The following WDR97 variants were observed in gnomAD, a reference collection of about 807,000 sequenced individuals.
The protein encoded by WDR97 is WD repeat-containing protein 97.
In WDR97, 111 loss-of-function variants were observed where a neutral mutation model predicts 65.4. The observed-to-expected ratio is 1.70, with a 90% CI of 1.45 to 1.99. WDR97 has a LOEUF of 1.99. Ranked by LOEUF, WDR97 falls within the 30% of genes most tolerant of loss-of-function variation. The pLI, the probability that WDR97 is intolerant of heterozygous loss-of-function variation, is 0.00. For synonymous variants in WDR97, 802 were observed against 397.7 expected (o/e 2.02, Z -12.10); for missense variants, 1,674 against 865.0 (o/e 1.94, Z -11.73).
rs1368851847 is a variant in WDR97, at chr8:144,113,786, G to A, written c.3313G>A (p.Glu1105Lys). ...EEGEEDKKEE[E>K]EEKEDEELDW... is the part of the protein sequence containing the mutation. ...GGGGGAGGAAGACAAGAAGGAAGAG[G>A]AGGAGGAGAAGGAAGACGAGGAGCT... Residue 1105 changes from glutamate to lysine, a missense_variant, in exon 17 of 24, where the codon GAG (glutamate) becomes AAG (lysine). Glu to Lys is a moderately conservative substitution (Grantham distance 56). Transcript: ENST00000323662. The A allele has an allele frequency of 2.6e-5, 18 of 702,794 alleles. No homozygotes were observed. The highest frequency in any genetic ancestry group is 3.9e-5 in the Non-Finnish European group (15 of 384,896). The allele number at this position is 702,794 out of a possible 1,614,324, so 43.5% of individuals were successfully genotyped here. A position where few individuals can be genotyped will look rare whatever the true frequency, so the allele number is the denominator to read the frequency against.
intron 15 of WDR97, 127 bp downstream of exon 15, chr8:144,112,657 A>G: frequency 1.5e-6 from 1 of 658,778 alleles, no homozygotes. Flanking sequence ...ACCTACAACC[A>G]GAGGGCCAGG....
chr8:144,113,296 G>T (rs1836584317), intron 15 of WDR97, 144 bp from the exon 16 acceptor site: 4 of 658,682 alleles, frequency 6.1e-6, no homozygotes, highest in Non-Finnish European at 1.1e-5. Context: ...AGTAGGGGTT[G>T]CTAGCTCAGC....
chr8:144,113,826 C>G lies in WDR97; in HGVS notation c.3353C>G (p.Ala1118Gly). 1 of 701,734 alleles carries G rather than the reference C, an allele frequency of 1.4e-6. No individual in the cohort carries two copies. Among genetic ancestry groups the G allele is most frequent in the Non-Finnish European group, 2.6e-6 (1 of 384,254 alleles). The allele number at this position is 701,734 out of a possible 1,614,324, so 43.5% of individuals were successfully genotyped here. Residue 1118 changes from alanine to glycine, a missense_variant, in exon 17 of 24, where the codon GCT becomes GGT. Ala to Gly is a moderately conservative substitution (Grantham distance 60, BLOSUM62 0). Coordinates refer to ENST00000323662, the MANE Select transcript of WDR97 (RefSeq NM_001316309.2). ...GACGAGGAGCTGGACTGGGCCTTGGCTTCCCTGAGCCCGCACTCCAACCAG... is the reference window on the plus strand; with the variant it reads ...GACGAGGAGCTGGACTGGGCCTTGGGTTCCCTGAGCCCGCACTCCAACCAG... ...KEDEELDWAL[A>G]SLSPHSNQQL...
rs1284540187 is a variant in WDR97, at chr8:144,108,739, T to A, written c.673T>A (p.Phe225Ile). ...GAACAGCAGCCTGGCGCTCTGGCAGTTCCGTTCAGGTGGTCGCCGCCTGGT... is the reference window on the plus strand; with the variant it reads ...GAACAGCAGCCTGGCGCTCTGGCAGATCCGTTCAGGTGGTCGCCGCCTGGT... ...EMNSSLALWQ[F>I]RSGGRRLVLR... Residue 225 changes from phenylalanine (F) to isoleucine (I), a missense_variant, in exon 3 of 24, where the codon TTC (phenylalanine) becomes ATC (isoleucine). Phe to Ile is a conservative substitution (Grantham distance 21, BLOSUM62 0). Coordinates refer to ENST00000323662, the MANE Select transcript of WDR97 (RefSeq NM_001316309.2). The A allele has an allele frequency of 1.1e-5, 8 of 701,296 alleles. No individual in the cohort carries two copies. Among genetic ancestry groups the A allele is most frequent in the South Asian group, 1.0e-4 (7 of 67,532 alleles). The allele number at this position is 701,296 out of a possible 1,614,324, so 43.4% of individuals were successfully genotyped here. A position where few individuals can be genotyped will look rare whatever the true frequency, so the allele number is the denominator to read the frequency against.
chr8:144,117,322 G>A lies in WDR97; in HGVS notation c.*1029G>A, dbSNP rs1452146190. 6.6e-6 allele frequency: 1 copy of A among 152,268 alleles called. No individual in the cohort carries two copies. The highest frequency in any genetic ancestry group is 2.4e-5 in the African/African-American group (1 of 41,460). 9.4% of individuals were successfully genotyped at this position (152,268 alleles called of 1,614,324 possible). On this transcript the variant is annotated 3_prime_UTR_variant, in exon 24 of 24. Transcript: ENST00000323662. ...AGGCCAAGGTTCACAGGTGTGCGAT[G>A]AGACTGAGGACTGAGTCTGTCACTA...
rs1441122458 is a variant in WDR97 at position 144,116,691 on chromosome 8, G to A, written c.*398G>A. On this transcript the variant is annotated 3_prime_UTR_variant, in exon 24 of 24. Transcript: ENST00000323662. ...TGTGGAGGGGAGTCCGGGAGGGCCT[G>A]GGCGGTCCCAGGATGAGCCTTCCGG... 3 of 173,162 alleles carry A rather than the reference G, an allele frequency of 1.7e-5. No individual in the cohort carries two copies. Among genetic ancestry groups the A allele is most frequent in the Non-Finnish European group, 3.6e-5 (3 of 82,652 alleles). 10.7% of individuals were successfully genotyped at this position (173,162 alleles called of 1,614,324 possible).
At chr8:144,113,912 C>A in intron 17 of WDR97, 31 bp downstream of exon 17, 1 of 686,618 alleles carries the variant, frequency 1.5e-6, no homozygotes, top group Admixed American at 2.0e-5. Context: ...CCCAGGCCAC[C>A]ACGGGAGGTG....
chr8:144,116,237 C>T lies in WDR97; in HGVS notation c.4813C>T (p.Pro1605Ser). The T allele has an allele frequency of 1.5e-6, 1 of 680,480 alleles. No individual in the cohort carries two copies. The highest frequency in any genetic ancestry group is 2.7e-6 in the Non-Finnish European group (1 of 372,910). The allele number at this position is 680,480 out of a possible 1,614,324, so 42.2% of individuals were successfully genotyped here. The change falls in exon 24 of 24, where the codon CCG becomes TCG. Residue 1605 changes from proline to serine, a missense_variant. By Grantham distance (74) the Pro-to-Ser change is moderately conservative (BLOSUM62 -1). Coordinates refer to ENST00000323662, the MANE Select transcript of WDR97 (RefSeq NM_001316309.2). ...PRPLPPRLLQ[P>S]ALQRYFLPAD... The stretch of plus-strand genomic sequence containing the variant: ...CCCGCTGCCCCCGCGGCTCCTGCAG[C>T]CGGCCCTGCAGCGCTACTTTCTGCC...
Position 144,109,622 on chromosome 8 carries a change from G to A in WDR97, c.1288G>A (p.Val430Met), listed in dbSNP as rs1172406142. The A allele has an allele frequency of 4.4e-6, 3 of 683,542 alleles. No individual in the cohort carries two copies. In the African/African-American group the frequency reaches 5.5e-5, roughly 12 times the overall value. 42.3% of individuals were successfully genotyped at this position (683,542 alleles called of 1,614,324 possible). Reference protein sequence around the residue: ...QLPAKVLHVQVAPALPAPAHQ... With the variant: ...QLPAKVLHVQMAPALPAPAHQ... ...GCCCGCCAAGGTGCTCCACGTGCAG[G>A]TGGCGCCCGCGTTGCCCGCGCCTGC... The change falls in exon 5 of 24, where the codon GTG becomes ATG. Residue 430 changes from valine to methionine, a missense_variant. Physicochemically the swap from Val to Met is conservative, Grantham distance 21. Transcript: ENST00000323662.
chr8:144,113,803 CGAG>C lies in WDR97; in HGVS notation c.3334_3336del (p.Glu1112del), dbSNP rs1836596059. ...AGGAAGAGGAGGAGGAGAAGGAAGA[CGAG>C]GAGCTGGACTGGGCCTTGGCTTCCC... On this transcript the variant is annotated inframe_deletion, in exon 17 of 24. Coordinates refer to ENST00000323662, the MANE Select transcript of WDR97 (RefSeq NM_001316309.2). 2 of 702,612 alleles carry C rather than the reference CGAG, an allele frequency of 2.8e-6. No homozygotes were observed. The highest frequency in any genetic ancestry group is 3.5e-5 in the African/African-American group (2 of 57,248). The allele number at this position is 702,612 out of a possible 1,614,324, so 43.5% of individuals were successfully genotyped here.
chr8:144,110,771 C>A (rs1587625087), intron 8 of WDR97, 32 bp downstream of exon 8: 1 of 702,656 alleles, frequency 1.4e-6, no homozygotes, highest in East Asian at 2.7e-5. Flanking sequence ...GCTGGGGTCT[C>A]CTACCTCTGC....
In WDR97 at chr8:144,109,445, G is replaced by A. The variant is rs1836493180; in HGVS notation, c.1111G>A (p.Val371Ile). ...GCAGGCGGCGGCGCAGGTGGGCGAG[G>A]TAGCGCTGGGCTTCTGGGGCCAGGA... ...DLQAAAQVGE[V>I]ALGFWGQDKL... The change falls in exon 5 of 24, where the codon GTA becomes ATA. Residue 371 changes from valine to isoleucine, a missense_variant. By Grantham distance (29) the Val-to-Ile change is conservative. Coordinates refer to ENST00000323662, the MANE Select transcript of WDR97 (RefSeq NM_001316309.2). 1.4e-6 allele frequency: 1 copy of A among 701,492 alleles called. No individual in the cohort carries two copies. The highest frequency in any genetic ancestry group is 2.6e-6 in the Non-Finnish European group (1 of 384,384). The allele number at this position is 701,492 out of a possible 1,614,324, so 43.5% of individuals were successfully genotyped here.
chr8:144,113,904 C>T lies in WDR97; in HGVS notation c.3408+23C>T, dbSNP rs1229181077. The T allele has an allele frequency of 1.6e-5, 11 of 686,376 alleles. No individual in the cohort carries two copies. The East Asian group carries it at 3.0e-4, about 19-fold the overall frequency. The allele number at this position is 686,376 out of a possible 1,614,324, so 42.5% of individuals were successfully genotyped here. Reference sequence around the variant, plus strand: ...CAGGTAGAGGCTCAGGCAGAGGCCCCAGGCCACCACGGGAGGTGGGCTTAC... The same window carrying T: ...CAGGTAGAGGCTCAGGCAGAGGCCCTAGGCCACCACGGGAGGTGGGCTTAC... On this transcript the variant is annotated intron_variant, in intron 17 of 23. Transcript: ENST00000323662.
In WDR97 at chr8:144,111,994, C is replaced by T. The variant is rs1421099490; in HGVS notation, c.2745C>T (p.Ala915=). The T allele has an allele frequency of 1.4e-6, 1 of 702,660 alleles. No homozygotes were observed. Among genetic ancestry groups the T allele is most frequent in the South Asian group, 1.5e-5 (1 of 67,604 alleles). 43.5% of individuals were successfully genotyped at this position (702,660 alleles called of 1,614,324 possible). ...TACCCCAAGCTGCCCACTGTCTTGC[C>T]CGGGCTGAGGTCAGCACTGCAGCCC... ...CAVPQAAHCL[A]RAEVSTAAQT... is the part of the protein sequence containing the mutation. Residue 915 remains alanine, a synonymous_variant, in exon 13 of 24, where the codon GCC becomes GCT. Coordinates refer to ENST00000323662, the MANE Select transcript of WDR97 (RefSeq NM_001316309.2).
intron 23 of WDR97, 32 bp downstream of exon 23, chr8:144,116,045 CACCCA>C: frequency 1.4e-6 from 1 of 696,840 alleles, no homozygotes; most frequent in Non-Finnish European, 2.6e-6. Context: ...GACTGGACCC[CACCCA>C]CCCCAGCCCC....
In WDR97 at chr8:144,110,869, T is replaced by G. The variant is rs1465931228; in HGVS notation, c.2177T>G (p.Leu726Arg). The stretch of plus-strand genomic sequence containing the variant: ...TGCCCTGGGTGCCTCTCCAGGCTCC[T>G]GCAGCTGAATGGTGCCCCTCAGGCC... ...WTAENRLLRLLQLNGAPQALA... is the reference protein window; with the variant it reads ...WTAENRLLRLRQLNGAPQALA... The change falls in exon 9 of 24, where the codon CTG becomes CGG. Residue 726 changes from leucine to arginine, a missense_variant. Physicochemically the swap from Leu to Arg is moderately radical, Grantham distance 102. Coordinates refer to ENST00000323662, the MANE Select transcript of WDR97 (RefSeq NM_001316309.2). 2 of 702,742 alleles carry G rather than the reference T, an allele frequency of 2.8e-6. No homozygotes were observed. The highest frequency in any genetic ancestry group is 1.7e-5 in the African/African-American group (1 of 57,250). 43.5% of individuals were successfully genotyped at this position (702,742 alleles called of 1,614,324 possible). A position where few individuals can be genotyped will look rare whatever the true frequency, so the allele number is the denominator to read the frequency against.
At position 144,112,349 on chromosome 8, in the gene WDR97, G is replaced by C. The variant is rs1472258686; in HGVS notation, c.3021G>C (p.Arg1007Ser). The change falls in exon 14 of 24, where the codon AGG becomes AGC. Residue 1007 changes from arginine (R) to serine (S), a missense_variant and splice_region_variant. Arg to Ser is a moderately radical substitution (Grantham distance 110). Coordinates refer to ENST00000323662, the MANE Select transcript of WDR97 (RefSeq NM_001316309.2). The stretch of plus-strand genomic sequence containing the variant: ...TGCCATCCTCCCACTTGCAGTGCAG[G>C]GTGAGGGACCCAGGCAGGTGGGGTA... ...LDLPSSHLQC[R>S]IPLLPKRWDK... The C allele has an allele frequency of 1.4e-6, 1 of 702,668 alleles. No individual in the cohort carries two copies. Among genetic ancestry groups the C allele is most frequent in the Non-Finnish European group, 2.6e-6 (1 of 384,914 alleles). The allele number at this position is 702,668 out of a possible 1,614,324, so 43.5% of individuals were successfully genotyped here. A position where few individuals can be genotyped will look rare whatever the true frequency, so the allele number is the denominator to read the frequency against.
Position 144,110,049 on chromosome 8 carries a change from C to T in WDR97, c.1700+15C>T, listed in dbSNP as rs911193782. 1.4e-6 allele frequency: 1 copy of T among 695,478 alleles called. No homozygotes were observed. Among genetic ancestry groups the T allele is most frequent in the Non-Finnish European group, 2.6e-6 (1 of 379,878 alleles). The allele number at this position is 695,478 out of a possible 1,614,324, so 43.1% of individuals were successfully genotyped here. A position where few individuals can be genotyped will look rare whatever the true frequency, so the allele number is the denominator to read the frequency against. On this transcript the variant is annotated intron_variant, in intron 5 of 23. Coordinates refer to ENST00000323662, the MANE Select transcript of WDR97 (RefSeq NM_001316309.2). ...AACAAGAACCGGTGGGTGCGGGAGC[C>T]GGCGAGGGTCTGGCGGGCGGAAGGA...
intron 15 of WDR97, 27 bp from the exon 16 acceptor site, chr8:144,113,413 A>T: frequency 1.4e-6 from 1 of 701,560 alleles, no homozygotes; most frequent in Non-Finnish European, 2.6e-6. Flanking sequence ...CCAGGTCCTC[A>T]GCATTCCCTG....
Sources: allele counts gnomAD v4.1 joint callset, GRCh38; gene constraint gnomAD v4.1.1; transcripts MANE v1.5; gene names NCBI Gene and HGNC (gene_info 2026-07-23, HGNC 2026-07-21).